Variants in SFXN4 observed in about 807,000 individuals in gnomAD.
SFXN4 encodes the protein sideroflexin 4.
Under a neutral mutation model 54.6 loss-of-function variants are expected in SFXN4, and 48 were observed. The ratio of observed to expected loss-of-function variants is 0.88; its 90% confidence interval spans 0.70 to 1.12. The LOEUF (loss-of-function observed/expected upper bound fraction) is 1.12, where lower values mean the gene tolerates loss of function less well. Among genes scored for constraint, SFXN4 ranks in the 50% most tolerant of loss-of-function variants. The pLI is 0.00. For missense variants in SFXN4, 383 were observed against 409.2 expected, an observed-to-expected ratio of 0.94 and a Z score of 0.55; for synonymous variants, 130 against 145.5, an observed-to-expected ratio of 0.89 and a Z score of 0.77.
intron 13 of SFXN4, among the ~76,000 whole-genome samples, chr10:119,144,696 A>C (rs1846714422): frequency 6.6e-6 from 1 of 152,252 alleles, no homozygotes; most frequent in Non-Finnish European, 1.5e-5. Context: ...ATCTGAGTCC[A>C]AGCAGCCTGA....
chr10:119,155,614 T>G (rs1349315798), intron 10 of SFXN4, among the ~76,000 whole-genome samples: 1 of 152,120 alleles, frequency 6.6e-6, no homozygotes, highest in Non-Finnish European at 1.5e-5. Context: ...TGCCTCAGCC[T>G]CCAGAGTAGC....
At chr10:119,157,597 TA>T in intron 9 of SFXN4, 70 bp downstream of exon 9, 1 of 1,222,474 alleles carries the variant, frequency 8.2e-7, no homozygotes, top group African/African-American at 1.5e-5. Flanking sequence ...CATAAATTTG[TA>T]ATTGGAATAA....
Position 119,155,041 on chromosome 10 carries a change from T to C in SFXN4, c.732+21A>G, listed in dbSNP as rs1357232160. 2.6e-6 allele frequency: 4 copies of C among 1,565,558 alleles called. No homozygotes were observed. In the African/African-American group the frequency reaches 4.1e-5, roughly 16 times the overall value. On this transcript the variant is annotated intron_variant, in intron 11 of 13. Transcript: ENST00000355697. ...TCGTTGCCCAAAAGGCAAGCAGCTA[T>C]AGCTTCATCCTGTCTCTTACCTTTG...
chr10:119,157,671 TAAGA>T lies in SFXN4; in HGVS notation c.530_533del (p.Phe177Ter). 1 of 1,601,266 alleles carries T rather than the reference TAAGA, an allele frequency of 6.2e-7. No homozygotes were observed. Among genetic ancestry groups the T allele is most frequent in the South Asian group, 1.1e-5 (1 of 88,044 alleles). Reference sequence around the variant, plus strand: ...GACAGATTCTAAAAATACCTACTCCTAAGAAAGTTGAAGAAGCAACGGCTCCCGC... The same window carrying T: ...GACAGATTCTAAAAATACCTACTCCTAAGTTGAAGAAGCAACGGCTCCCGC... On this transcript the variant is annotated frameshift_variant, in exon 9 of 14. Transcript: ENST00000355697. LOFTEE classifies it high-confidence loss of function.
chr10:119,152,978 C>A (rs758979434), intron 11 of SFXN4, among the ~76,000 whole-genome samples: 1 of 152,064 alleles, frequency 6.6e-6, no homozygotes, highest in Non-Finnish European at 1.5e-5. Context: ...CAGCTAAAGT[C>A]ATTTCACAGG....
At chr10:119,158,199 G>A in intron 6 of SFXN4, 137 bp from the exon 7 acceptor site, 1 of 772,828 alleles carries the variant, frequency 1.3e-6, no homozygotes, top group Non-Finnish European at 2.3e-6. Flanking sequence ...GTGGGTACAG[G>A]GGCTGCCGGT....
intron 1 of SFXN4, 72 bp from the exon 2 acceptor site, chr10:119,164,268 C>CTTTTTT (rs35023478): frequency 7.0e-4 from 352 of 504,496 alleles, no homozygotes; most frequent in South Asian, 1.7e-3. Context: ...TAACAGTTGG[C>CTTTTTT]TTTTTTTTTT....
In SFXN4 at chr10:119,156,666, C is replaced by G; in HGVS notation, c.616+12G>C. The G allele has an allele frequency of 2.5e-6, 4 of 1,602,884 alleles. No individual in the cohort carries two copies. Among genetic ancestry groups the G allele is most frequent in the Non-Finnish European group, 3.4e-6 (4 of 1,172,852 alleles). On this transcript the variant is annotated intron_variant, in intron 10 of 13. Transcript: ENST00000355697. ...CCCACCCAGACTGCAGCCTCCAGCC[C>G]TTCCTGCTCACCGAGGAAGATCACA...
At chr10:119,157,635 AAAG>A (rs759402236) in intron 9 of SFXN4, 30 bp downstream of exon 9, 15 of 1,507,208 alleles carry the variant, frequency 1.0e-5, no homozygotes, top group East Asian at 9.1e-5. Context: ...TCTGAGGAAT[AAAG>A]AAGATTTGAC....
At chr10:119,158,464 A>G (rs1486216109) in intron 6 of SFXN4, among the ~76,000 whole-genome samples, 1 of 151,530 alleles carries the variant, frequency 6.6e-6, no homozygotes, top group Non-Finnish European at 1.5e-5. Context: ...CGAAAAACAG[A>G]AATTAGCCGG....
chr10:119,148,040 T>C (rs1005750212), intron 11 of SFXN4, among the ~76,000 whole-genome samples, 180 bp from the exon 12 acceptor site: 1 of 152,020 alleles, frequency 6.6e-6, no homozygotes, highest in Non-Finnish European at 1.5e-5. Flanking sequence ...GGTGTGGTGT[T>C]ATGCACCTGT....
In SFXN4 at chr10:119,141,267, T is replaced by C; in HGVS notation, c.989A>G (p.Glu330Gly). The part of the protein sequence containing the change: ...EKIQSPTEET[E>G]IFYHRGV ...CTACACCCCTCTGTGATAAAAGATT[T>C]CTGTTTCTTCTGTTGGAGACTGAAT... The change falls in exon 14 of 14, where the codon GAA (glutamate) becomes GGA (glycine). Residue 330 changes from glutamate to glycine, a missense_variant. Transcript: ENST00000355697. The C allele has an allele frequency of 6.2e-7, 1 of 1,612,178 alleles. No homozygotes were observed. The highest frequency in any genetic ancestry group is 8.5e-7 in the Non-Finnish European group (1 of 1,178,306).
intron 11 of SFXN4, among the ~76,000 whole-genome samples, chr10:119,150,382 C>T (rs1030469668): frequency 6.6e-6 from 1 of 152,040 alleles, no homozygotes; most frequent in African/African-American, 2.4e-5. Flanking sequence ...ACAACTTGCT[C>T]ATTGGATATT....
At chr10:119,165,397 T>C (rs1847727161) in intron 1 of SFXN4, 140 bp downstream of exon 1, 2 of 1,328,444 alleles carry the variant, frequency 1.5e-6, no homozygotes, top group Admixed American at 8.4e-5. Flanking sequence ...GTGGTGCGCG[T>C]TCCCGGCACA....
intron 2 of SFXN4, among the ~76,000 whole-genome samples, chr10:119,163,906 G>A (rs2133635587): frequency 6.6e-6 from 1 of 152,036 alleles, no homozygotes; most frequent in South Asian, 2.1e-4. Context: ...CGGGCATGGT[G>A]GCGCATGCCT....
rs1847237939 is a variant in SFXN4 at position 119,155,316 on chromosome 10, G to A, written c.617-139C>T. On this transcript the variant is annotated intron_variant, in intron 10 of 13. Coordinates refer to ENST00000355697, the MANE Select transcript of SFXN4 (RefSeq NM_213649.2). Reference sequence around the variant, plus strand: ...TTTCTTGACCCTCAGGTGGACACCTGCCATAGGCTGGGCCAACCAAGTGCT... The same window carrying A: ...TTTCTTGACCCTCAGGTGGACACCTACCATAGGCTGGGCCAACCAAGTGCT... The A allele has an allele frequency of 9.5e-6, 6 of 633,054 alleles. No individual in the cohort carries two copies. The South Asian group carries it at 1.1e-4, about 12-fold the overall frequency. 39.2% of individuals were successfully genotyped at this position (633,054 alleles called of 1,614,324 possible). A position where few individuals can be genotyped will look rare whatever the true frequency, so the allele number is the denominator to read the frequency against.
chr10:119,159,463 T>G (rs1211954714), intron 6 of SFXN4, among the ~76,000 whole-genome samples: 1 of 152,108 alleles, frequency 6.6e-6, no homozygotes, highest in Non-Finnish European at 1.5e-5. Flanking sequence ...CTGCGCATAC[T>G]TGGTGTTCAG....
intron 10 of SFXN4, 54 bp downstream of exon 10, chr10:119,156,624 A>T (rs1847288325): frequency 7.2e-7 from 1 of 1,381,712 alleles, no homozygotes; most frequent in South Asian, 1.2e-5. Context: ...AGGAAGGCTC[A>T]CAGACCACAA....
At chr10:119,143,130 T>C (rs1235790521) in intron 13 of SFXN4, among the ~76,000 whole-genome samples, 3 of 152,026 alleles carry the variant, frequency 2.0e-5, no homozygotes, top group Non-Finnish European at 2.9e-5. Context: ...CCTCTGGGAG[T>C]TCTGCCCCTT....
Sources: allele counts gnomAD v4.1 joint callset (sites outside exome capture counted in the v4.1 genomes callset), GRCh38; gene constraint gnomAD v4.1.1; transcripts MANE v1.5; gene names NCBI Gene and HGNC (gene_info 2026-07-23, HGNC 2026-07-21).